Variants in AGPS observed in about 807,000 individuals in gnomAD.
The protein encoded by AGPS is alkyldihydroxyacetonephosphate synthase, peroxisomal.
AGPS carries 26 observed loss-of-function variants against 90.7 expected under a neutral mutation model. The observed-to-expected ratio is 0.29, with a 90% CI of 0.21 to 0.40. The LOEUF (loss-of-function observed/expected upper bound fraction) is 0.40, where lower values mean the gene tolerates loss of function less well. Among genes scored for constraint, AGPS ranks in the 10% least tolerant of loss-of-function variants. AGPS has a pLI of 1.00. For synonymous variants in AGPS, 294 were observed against 285.3 expected (o/e 1.03, Z -0.31); for missense variants, 540 against 816.1 (o/e 0.66, Z 4.12).
chr2:177,538,384 ATC>A lies in AGPS; in HGVS notation c.*196_*197del. On this transcript the variant is annotated 3_prime_UTR_variant, in exon 20 of 20. Coordinates refer to ENST00000264167, the MANE Select transcript of AGPS (RefSeq NM_003659.4). ...ATGGATTGACAGATAGTATTCCTAA[ATC>A]TCTCTCATTGTAGGTACATCATTTT... The A allele has an allele frequency of 1.6e-6, 1 of 643,522 alleles. No individual in the cohort carries two copies. The highest frequency in any genetic ancestry group is 2.6e-6 in the Non-Finnish European group (1 of 382,686). 39.9% of individuals were successfully genotyped at this position (643,522 alleles called of 1,614,324 possible). A position where few individuals can be genotyped will look rare whatever the true frequency, so the allele number is the denominator to read the frequency against.
At chr2:177,433,061 G>C (rs1686291020) in intron 2 of AGPS, among the ~76,000 whole-genome samples, 1 of 152,204 alleles carries the variant, frequency 6.6e-6, no homozygotes, top group Admixed American at 6.5e-5. Flanking sequence ...TCAACATGAG[G>C]TCTGGAGGGT....
intron 8 of AGPS, among the ~76,000 whole-genome samples, chr2:177,451,210 C>T (rs779429680): frequency 4.6e-5 from 7 of 151,942 alleles, no homozygotes; most frequent in Non-Finnish European, 1.0e-4. Context: ...ACCACCCTGG[C>T]CTCCCAAAGT....
chr2:177,481,280 C>T lies in AGPS; in HGVS notation c.1106-779C>T, dbSNP rs186648572. Among the ~76,000 whole-genome samples the T allele has an allele frequency of 2.0e-4, 30 of 152,024 alleles. No individual in the cohort carries two copies. The East Asian group carries it at 5.8e-3, about 29-fold the overall frequency. On this transcript the variant is annotated intron_variant, in intron 10 of 19. Coordinates refer to ENST00000264167, the MANE Select transcript of AGPS (RefSeq NM_003659.4). ...GAAACCATTCATTTGAAAAGCTTGG[C>T]TTTGTGAATATAATAGTTTAACTTA... is the stretch of plus-strand genomic sequence containing the variant.
intron 19 of AGPS, among the ~76,000 whole-genome samples, chr2:177,528,069 T>C (rs901539118): frequency 6.6e-6 from 1 of 152,186 alleles, no homozygotes; most frequent in Non-Finnish European, 1.5e-5. Context: ...ATTGGAGTCT[T>C]CCAGGGCTCA....
At chr2:177,464,030 G>A (rs1038348146) in intron 9 of AGPS, among the ~76,000 whole-genome samples, 11 of 152,054 alleles carry the variant, frequency 7.2e-5, no homozygotes, top group South Asian at 4.2e-4. Context: ...CAACCTCCGC[G>A]TCCCGGGTTC....
At chr2:177,459,153 C>T (rs1197514163) in intron 8 of AGPS, among the ~76,000 whole-genome samples, 1 of 152,070 alleles carries the variant, frequency 6.6e-6, no homozygotes, top group Non-Finnish European at 1.5e-5. Context: ...TTCCTTACAC[C>T]TTATAAAAAA....
rs112094227 is a variant in AGPS at position 177,446,575 on chromosome 2, A to G, written c.870+949A>G. 6.0e-3 allele frequency among the ~76,000 whole-genome samples: 910 copies of G among 152,258 alleles called. 10 individuals are homozygous for G. Among genetic ancestry groups the G allele is most frequent in the African/African-American group, 0.019 (779 of 41,536 alleles). ...TAGTGGTAAAGGATCAAGCCAGGAA[A>G]ACATGAAGAGTTCAGATCATAAAGG... On this transcript the variant is annotated intron_variant, in intron 8 of 19. Coordinates refer to ENST00000264167, the MANE Select transcript of AGPS (RefSeq NM_003659.4).
At chr2:177,462,511 A>C (rs911478312) in intron 9 of AGPS, among the ~76,000 whole-genome samples, 1 of 152,064 alleles carries the variant, frequency 6.6e-6, no homozygotes, top group African/African-American at 2.4e-5. Flanking sequence ...TCAAAACACA[A>C]CTGTGGTCAT....
intron 11 of AGPS, among the ~76,000 whole-genome samples, chr2:177,484,638 G>A (rs534590736): frequency 1.3e-5 from 2 of 151,910 alleles, no homozygotes; most frequent in African/African-American, 4.8e-5. Context: ...GAGCCACCAT[G>A]CCCAGCCACA....
At chr2:177,409,165 A>AT (rs957572620) in intron 1 of AGPS, among the ~76,000 whole-genome samples, 14 of 147,696 alleles carry the variant, frequency 9.5e-5, no homozygotes, top group South Asian at 8.6e-4. Context: ...GCTACTGCTG[A>AT]TTTTTTTTTT....
At chr2:177,465,557 G>C (rs1687421318) in intron 9 of AGPS, among the ~76,000 whole-genome samples, 1 of 152,194 alleles carries the variant, frequency 6.6e-6, no homozygotes, top group South Asian at 2.1e-4. Flanking sequence ...TGAGGGGTGT[G>C]TGAATGAGTG....
intron 19 of AGPS, among the ~76,000 whole-genome samples, chr2:177,535,596 G>A (rs2079176428): frequency 6.6e-6 from 1 of 152,162 alleles, no homozygotes; most frequent in African/African-American, 2.4e-5. Flanking sequence ...TCCATGTGGG[G>A]TAACTACATA....
At chr2:177,482,697 A>G (rs1687979503) in intron 11 of AGPS, among the ~76,000 whole-genome samples, 1 of 152,124 alleles carries the variant, frequency 6.6e-6, no homozygotes, top group African/African-American at 2.4e-5. Flanking sequence ...TCATAATATT[A>G]TCTAAGCTAT....
chr2:177,464,832 C>T (rs1687401473), intron 9 of AGPS, among the ~76,000 whole-genome samples: 2 of 152,216 alleles, frequency 1.3e-5, no homozygotes, highest in South Asian at 2.1e-4. Flanking sequence ...ACATTGAACT[C>T]TGTAGTGACA....
intron 9 of AGPS, among the ~76,000 whole-genome samples, chr2:177,465,294 T>A (rs1472139295): frequency 6.6e-6 from 1 of 151,906 alleles, no homozygotes; most frequent in African/African-American, 2.4e-5. Context: ...ATCCTATTTT[T>A]TTTTTAAGTG....
chr2:177,508,778 G>T (rs1339639107), intron 16 of AGPS, among the ~76,000 whole-genome samples: 1 of 152,124 alleles, frequency 6.6e-6, no homozygotes, highest in Non-Finnish European at 1.5e-5. Context: ...GACCAGAAGT[G>T]TTTGAGATTT....
At chr2:177,426,953 G>A (rs1686099640) in intron 2 of AGPS, among the ~76,000 whole-genome samples, 1 of 152,014 alleles carries the variant, frequency 6.6e-6, no homozygotes, top group Admixed American at 6.6e-5. Context: ...GCTCTTCTTT[G>A]TACCTCTAGT....
intron 11 of AGPS, 51 bp from the exon 12 acceptor site, chr2:177,493,097 G>A (rs1298744841): frequency 1.4e-6 from 2 of 1,469,388 alleles, no homozygotes; most frequent in African/African-American, 2.8e-5. Flanking sequence ...TACCTGTCTA[G>A]CTTCTTACTG....
chr2:177,506,477 T>C (rs1220008346), intron 15 of AGPS, among the ~76,000 whole-genome samples: 1 of 151,948 alleles, frequency 6.6e-6, no homozygotes, highest in East Asian at 1.9e-4. Flanking sequence ...CTAAATTTAC[T>C]AATTTTTCTC....
Sources: allele counts gnomAD v4.1 joint callset (sites outside exome capture counted in the v4.1 genomes callset), GRCh38; gene constraint gnomAD v4.1.1; transcripts MANE v1.5; gene names NCBI Gene and HGNC (gene_info 2026-07-23, HGNC 2026-07-21).